The following R3HDM1 variants were observed in gnomAD, a reference collection of about 807,000 sequenced individuals.
R3HDM1 encodes the protein R3H domain-containing protein 1.
In R3HDM1, 46 loss-of-function variants were observed where a neutral mutation model predicts 141.1. The ratio of observed to expected loss-of-function variants is 0.33; its 90% CI spans 0.26 to 0.42. R3HDM1 has a LOEUF of 0.42. R3HDM1 is among the 10% of genes least tolerant of loss of function. R3HDM1 has a pLI of 1.00. For synonymous variants in R3HDM1, 435 were observed against 472.9 expected (o/e 0.92, Z 1.04); for missense variants, 1,184 against 1,368.3 (o/e 0.87, Z 2.12).
chr2:135,708,940 CAG>C (rs1457260471), intron 21 of R3HDM1, among the ~76,000 whole-genome samples: 4 of 111,780 alleles, frequency 3.6e-5, no homozygotes, highest in African/African-American at 1.3e-4. Context: ...GCCTGGGTGA[CAG>C]GGCAGAACTC....
At chr2:135,680,724 T>G (rs916542151) in intron 21 of R3HDM1, among the ~76,000 whole-genome samples, 5 of 152,170 alleles carry the variant, frequency 3.3e-5, no homozygotes, top group African/African-American at 7.2e-5. Context: ...GAACCAAGAT[T>G]GCGCCGTTGC....
chr2:135,632,840 A>G (rs1024607474), intron 9 of R3HDM1, among the ~76,000 whole-genome samples: 2 of 152,152 alleles, frequency 1.3e-5, no homozygotes, highest in Non-Finnish European at 2.9e-5. Flanking sequence ...TTTTTGGTCC[A>G]TTATTTTTCT....
chr2:135,688,586 G>A (rs1229257875), intron 21 of R3HDM1, among the ~76,000 whole-genome samples: 16 of 152,070 alleles, frequency 1.1e-4, no homozygotes, highest in Admixed American at 1.0e-3. Flanking sequence ...TCATGATCAT[G>A]TTACCCAGGG....
chr2:135,721,450 G>C (rs1370158729), intron 24 of R3HDM1: 1 of 157,494 alleles, frequency 6.3e-6, no homozygotes, highest in Admixed American at 6.1e-5. Flanking sequence ...CTCCAGCCTG[G>C]GTTGTCAACA....
rs1252120521 is a variant in R3HDM1 at position 135,675,431 on chromosome 2, T to C, written c.2252T>C (p.Ile751Thr). Residue 751 changes from isoleucine (I) to threonine (T), a missense_variant, in exon 20 of 27, where the codon ATT becomes ACT. By Grantham distance (89) the Ile-to-Thr change is moderately conservative. This residue lies in a region of R3HDM1 where 563 missense variants were observed against 562.0 expected (regional missense o/e 1.00). Coordinates refer to ENST00000683871, the MANE Select transcript of R3HDM1 (RefSeq NM_001378107.1). Reference protein sequence around the residue: ...QSLVSGQPNSIGNQIQGVVIP... With the variant: ...QSLVSGQPNSTGNQIQGVVIP... ...CTAGTCAGTGGCCAACCCAACAGCA[T>C]TGGAAATCAGATTCAAGGAGTGGTC... The C allele has an allele frequency of 3.1e-6, 5 of 1,613,982 alleles. No individual in the cohort carries two copies. Among genetic ancestry groups the C allele is most frequent in the East Asian group, 2.2e-5 (1 of 44,866 alleles).
chr2:135,578,353 T>C (rs1229545522), intron 1 of R3HDM1, among the ~76,000 whole-genome samples: 3 of 152,192 alleles, frequency 2.0e-5, no homozygotes, highest in African/African-American at 7.2e-5. Flanking sequence ...CTAGAAACTA[T>C]TGAAACTGGT....
intron 1 of R3HDM1, among the ~76,000 whole-genome samples, chr2:135,598,997 T>C (rs902617033): frequency 4.6e-5 from 7 of 152,208 alleles, no homozygotes; most frequent in African/African-American, 1.7e-4. Flanking sequence ...TTACCTTTAA[T>C]GGCTTCTAGA....
intron 19 of R3HDM1, chr2:135,667,120 A>G: frequency 8.6e-6 from 8 of 928,406 alleles, no homozygotes; most frequent in Non-Finnish European, 1.0e-5. Flanking sequence ...ATGCTAGTTC[A>G]GATCACCTAT....
intron 1 of R3HDM1, chr2:135,536,510 C>G (rs1696158268): frequency 1.1e-6 from 1 of 915,376 alleles, no homozygotes; most frequent in Non-Finnish European, 1.3e-6. Flanking sequence ...AAGTTTTTAT[C>G]TACAACTCCC....
intron 1 of R3HDM1, among the ~76,000 whole-genome samples, chr2:135,571,802 GT>G (rs1704172006): frequency 6.6e-6 from 1 of 151,962 alleles, no homozygotes; most frequent in Admixed American, 6.6e-5. Flanking sequence ...ATTTTTGTAT[GT>G]TTTGTAGAGA....
chr2:135,717,691 A>T (rs1032783788), intron 24 of R3HDM1, among the ~76,000 whole-genome samples: 1 of 152,190 alleles, frequency 6.6e-6, no homozygotes, highest in Non-Finnish European at 1.5e-5. Flanking sequence ...GTGAGTATTT[A>T]AAAAATAATG....
chr2:135,588,555 A>G (rs568039547), intron 1 of R3HDM1, among the ~76,000 whole-genome samples: 2 of 152,244 alleles, frequency 1.3e-5, no homozygotes, highest in African/African-American at 4.8e-5. Flanking sequence ...TAAATACTAT[A>G]TTTTAAATAA....
At chr2:135,674,218 T>C (rs551687265) in intron 19 of R3HDM1, among the ~76,000 whole-genome samples, 1 of 152,250 alleles carries the variant, frequency 6.6e-6, no homozygotes, top group Non-Finnish European at 1.5e-5. Flanking sequence ...ACTACAGTGA[T>C]GCTGCTGTCT....
chr2:135,535,636 C>T (rs184184130), intron 1 of R3HDM1, among the ~76,000 whole-genome samples: 219 of 151,958 alleles, frequency 1.4e-3, no homozygotes, highest in African/African-American at 4.1e-3. Flanking sequence ...ACTTAATCCC[C>T]GAGACTTCCC....
chr2:135,656,287 G>T (rs2065883295), intron 18 of R3HDM1, among the ~76,000 whole-genome samples: 1 of 151,782 alleles, frequency 6.6e-6, no homozygotes, highest in African/African-American at 2.4e-5. Flanking sequence ...TTCATTTATG[G>T]TTATTAGTTG....
chr2:135,548,378 A>T (rs1258015863), intron 1 of R3HDM1, among the ~76,000 whole-genome samples: 2 of 152,218 alleles, frequency 1.3e-5, no homozygotes, highest in African/African-American at 4.8e-5. Flanking sequence ...AAACACTTGG[A>T]CATGCATATG....
At chr2:135,641,101 T>G (rs987151642) in intron 14 of R3HDM1, among the ~76,000 whole-genome samples, 7 of 152,242 alleles carry the variant, frequency 4.6e-5, no homozygotes, top group Non-Finnish European at 1.0e-4. Context: ...CACTGAATCT[T>G]TCTGTGTTCT....
chr2:135,697,778 A>T lies in R3HDM1; in HGVS notation c.2460-11655A>T, dbSNP rs181730158. On this transcript the variant is annotated intron_variant, in intron 21 of 26. Transcript: ENST00000683871. ...TAAAAAGCAAGTAAGTACTGGTTGG[A>T]CAAAGTGGGTCACGCCTGTAATCCC... Among the ~76,000 whole-genome samples the T allele has an allele frequency of 1.5e-3, 233 of 152,190 alleles. 2 individuals are homozygous for T. Among genetic ancestry groups the T allele is most frequent in the Non-Finnish European group, 2.5e-3 (171 of 67,978 alleles).
At chr2:135,621,002 T>C (rs920160765) in intron 5 of R3HDM1, among the ~76,000 whole-genome samples, 1 of 152,056 alleles carries the variant, frequency 6.6e-6, no homozygotes, top group Non-Finnish European at 1.5e-5. Context: ...ATTTTGGAAA[T>C]GTTTGTACTT....
Sources: allele counts gnomAD v4.1 joint callset (sites outside exome capture counted in the v4.1 genomes callset), GRCh38; gene constraint gnomAD v4.1.1; regional missense constraint gnomAD v4.1.1; transcripts MANE v1.5; gene names NCBI Gene and HGNC (gene_info 2026-07-23, HGNC 2026-07-21).